DRC11L: variants seen among roughly 807,000 people sequenced by gnomAD.
DRC11L encodes the protein dynein regulatory complex subunit 11 like.
the DRC11L span, chr7:151,192,235 G>A: frequency 1.3e-5 from 5 of 398,940 alleles, no homozygotes; most frequent in Non-Finnish European, 2.2e-5. Flanking sequence ...AGGTGGGCAG[G>A]CTTTGGTAGG....
chr7:151,191,834 G>T, the DRC11L span: 11 of 399,268 alleles, frequency 2.8e-5, no homozygotes, highest in Non-Finnish European at 4.4e-5. Context: ...CAGGTGCTGG[G>T]TCGGCTGGAT....
the DRC11L span, among the ~76,000 whole-genome samples, chr7:151,195,173 C>T: frequency 1.3e-5 from 2 of 152,122 alleles, no homozygotes; most frequent in Non-Finnish European, 2.9e-5. Flanking sequence ...GAGCAATGAC[C>T]TGATTATAAA....
At chr7:151,192,718 G>A in the DRC11L span, 794 of 399,216 alleles carry the variant, frequency 2.0e-3, 6 homozygotes, top group Middle Eastern at 0.011. Flanking sequence ...CTGCCCACAC[G>A]GCCTTCACAT....
At chr7:151,204,599 G>A in the DRC11L span, 1 of 399,108 alleles carries the variant, frequency 2.5e-6, no homozygotes, top group Non-Finnish European at 4.4e-6. Context: ...GCTCCAGCAC[G>A]CGGCCCGCCA....
the DRC11L span, among the ~76,000 whole-genome samples, chr7:151,202,230 CTCTG>C: frequency 6.6e-6 from 1 of 152,150 alleles, no homozygotes; most frequent in African/African-American, 2.4e-5. Flanking sequence ...TCAAGTTTCC[CTCTG>C]TCTTAGTTTC....
chr7:151,192,011 C>A, the DRC11L span: 1 of 398,120 alleles, frequency 2.5e-6, no homozygotes, highest in Non-Finnish European at 4.4e-6. Context: ...CATCAGCTCC[C>A]CTTCCCCAGG....
the DRC11L span, among the ~76,000 whole-genome samples, chr7:151,193,918 A>C: frequency 3.3e-5 from 5 of 152,126 alleles, no homozygotes; most frequent in African/African-American, 1.2e-4. Context: ...AAAAAAAAAA[A>C]AAAAGGAAGG....
the DRC11L span, chr7:151,190,884 G>A: frequency 2.5e-6 from 1 of 398,294 alleles, no homozygotes; most frequent in East Asian, 3.6e-5. Flanking sequence ...TTGTTCCCAA[G>A]TCATCTGGGC....
the DRC11L span, chr7:151,195,919 C>T: frequency 4.3e-5 from 14 of 323,356 alleles, no homozygotes; most frequent in South Asian, 1.6e-4. Context: ...CTTCAACATG[C>T]GGAGAAGCCC....
chr7:151,203,331 G>T, the DRC11L span: 6 of 399,194 alleles, frequency 1.5e-5, no homozygotes, highest in Admixed American at 4.4e-5. Flanking sequence ...GGGCCTCTCT[G>T]CATTCTGGAG....
At chr7:151,196,254 G>A in the DRC11L span, among the ~76,000 whole-genome samples, 1 of 152,222 alleles carries the variant, frequency 6.6e-6, no homozygotes, top group African/African-American at 2.4e-5. Flanking sequence ...GACGTGGGCA[G>A]CAGGTGGAGC....
the DRC11L span, among the ~76,000 whole-genome samples, chr7:151,200,698 G>A: frequency 0.017 from 2,646 of 152,074 alleles, 38 homozygotes; most frequent in Non-Finnish European, 0.024. Context: ...CCTTCCCCTC[G>A]CCACCCTGAT....
the DRC11L span, chr7:151,203,205 C>A: frequency 2.5e-6 from 1 of 398,376 alleles, no homozygotes; most frequent in South Asian, 1.4e-4. Flanking sequence ...ACCATCCTCC[C>A]AGAGTATCTG....
chr7:151,193,082 T>C, the DRC11L span: 3 of 397,388 alleles, frequency 7.5e-6, no homozygotes, highest in East Asian at 7.1e-5. Flanking sequence ...GAAAAGAAAC[T>C]GCTCTGTGTC....
At chr7:151,196,486 C>T in the DRC11L span, 2 of 399,434 alleles carry the variant, frequency 5.0e-6, no homozygotes, top group African/African-American at 4.1e-5. Flanking sequence ...TTCCTCTTCT[C>T]CTCCCGGAGG....
the DRC11L span, chr7:151,196,622 C>A: frequency 5.0e-6 from 2 of 399,268 alleles, no homozygotes; most frequent in Admixed American, 4.4e-5. Context: ...TGCATTCATG[C>A]GTGCACAAGC....
At chr7:151,197,325 CA>C in the DRC11L span, 2 of 398,974 alleles carry the variant, frequency 5.0e-6, no homozygotes, top group Non-Finnish European at 8.8e-6. Context: ...GTTCCATTCT[CA>C]CCTGTGACCA....
the DRC11L span, chr7:151,204,456 C>G: frequency 1.8e-5 from 7 of 397,660 alleles, no homozygotes; most frequent in Admixed American, 4.4e-5. Flanking sequence ...CACCCCACCT[C>G]TCCCCTCCCG....
chr7:151,200,764 A>AC, the DRC11L span, among the ~76,000 whole-genome samples: 2 of 151,688 alleles, frequency 1.3e-5, no homozygotes, highest in Non-Finnish European at 2.9e-5. Flanking sequence ...CATTCCCTAC[A>AC]CCCCCTCCTC....
Sources: gnomAD v4.1 joint callset for allele counts (sites outside exome capture counted in the v4.1 genomes callset) on GRCh38, gnomAD v4.1.1 for gene constraint, MANE v1.5 for transcripts, NCBI Gene and HGNC (gene_info 2026-07-23, HGNC 2026-07-21) for gene names.